RPL13A: variants seen among roughly 807,000 people sequenced by gnomAD.
RPL13A encodes the protein ribosomal protein L13a.
In RPL13A, 4 loss-of-function variants were observed where a neutral mutation model predicts 30.8. The ratio of observed to expected loss-of-function variants is 0.13; its 90% CI spans 0.06 to 0.30. The LOEUF (loss-of-function observed/expected upper bound fraction) is 0.30. RPL13A is among the 10% of genes least tolerant of loss of function. RPL13A has a pLI of 1.00. For synonymous variants in RPL13A, 108 were observed against 104.2 expected (o/e 1.04, Z -0.22); for missense variants, 196 against 272.6 (o/e 0.72, Z 1.98).
In RPL13A at chr19:49,489,931, C is replaced by A; in HGVS notation, c.88+9C>A. The A allele has an allele frequency of 6.2e-7, 1 of 1,610,600 alleles. No individual in the cohort carries two copies. The highest frequency in any genetic ancestry group is 8.5e-7 in the Non-Finnish European group (1 of 1,177,022). On this transcript the variant is annotated intron_variant, in intron 2 of 7. Transcript: ENST00000391857. ...TAAACAGGTACTGCTGGGTAAGTCG[C>A]TGCTCGTGGCCCCTCTGTCATGGGC...
Position 49,487,621 on chromosome 19 carries a change from C to A in RPL13A, c.-9C>A. On this transcript the variant is annotated 5_prime_UTR_variant, in exon 1 of 8. It adds an upstream start codon to the 5' untranslated region. Coordinates refer to ENST00000391857, the MANE Select transcript of RPL13A (RefSeq NM_012423.4). ...CAAAACCTCCTCCTTTTCCAAGCGG[C>A]TGCCGAAGATGGCGGAGGTGCAGGT... is the stretch of plus-strand genomic sequence containing the variant. 1 of 1,576,262 alleles carries A rather than the reference C, an allele frequency of 6.3e-7. No homozygotes were observed. Among genetic ancestry groups the A allele is most frequent in the Non-Finnish European group, 8.6e-7 (1 of 1,161,972 alleles).
intron 2 of RPL13A, 89 bp downstream of exon 2, chr19:49,490,011 G>T (rs373853553): frequency 8.6e-7 from 1 of 1,165,470 alleles, no homozygotes; most frequent in Admixed American, 1.7e-5. Context: ...TGAGTCTCAC[G>T]GCCATGAGAT....
rs548091161 is a variant in RPL13A, at chr19:49,491,066, C to T, written c.369C>T (p.Ala123=). 7 of 1,614,234 alleles carry T rather than the reference C, an allele frequency of 4.3e-6. No homozygotes were observed. The South Asian group carries it at 6.6e-5, about 15-fold the overall frequency. ...AAAAGCGGATGGTGGTTCCTGCTGCCCTCAAGGTCGTGCGTCTGAAGCCTA... is the reference window on the plus strand; with the variant it reads ...AAAAGCGGATGGTGGTTCCTGCTGCTCTCAAGGTCGTGCGTCTGAAGCCTA... ...DKKKRMVVPA[A]LKVVRLKPTR... Residue 123 remains alanine, a synonymous_variant, in exon 6 of 8, where the codon GCC becomes GCT. Coordinates refer to ENST00000391857, the MANE Select transcript of RPL13A (RefSeq NM_012423.4).
At chr19:49,489,371 C>G (rs926779388) in intron 1 of RPL13A, among the ~76,000 whole-genome samples, 1 of 151,878 alleles carries the variant, frequency 6.6e-6, no homozygotes, top group Non-Finnish European at 1.5e-5. Context: ...TGTGGTGGTG[C>G]GCGCCTGTAG....
intron 6 of RPL13A, 92 bp downstream of exon 6, chr19:49,491,191 A>G (rs762410309): frequency 9.8e-6 from 14 of 1,434,524 alleles, no homozygotes; most frequent in Middle Eastern, 3.5e-4. Flanking sequence ...TGATGTCCTT[A>G]TCTCACGATG....
At chr19:49,489,565 T>C (rs2079843517) in intron 1 of RPL13A, among the ~76,000 whole-genome samples, 1 of 152,204 alleles carries the variant, frequency 6.6e-6, no homozygotes, top group Admixed American at 6.5e-5. Context: ...TCAAATCCAA[T>C]TGCTTTGCAA....
At position 49,491,407 on chromosome 19, in the gene RPL13A, C is replaced by A. The variant is rs771767614; in HGVS notation, c.403-18C>A. 6.6e-4 allele frequency: 203 copies of A among 307,136 alleles called. 1 individual carries two copies. The highest frequency in any genetic ancestry group is 2.7e-3 in the African/African-American group (66 of 24,404). 19.0% of individuals were successfully genotyped at this position (307,136 alleles called of 1,614,324 possible). On this transcript the variant is annotated intron_variant, in intron 6 of 7. Transcript: ENST00000391857. ...CCTTACAACTTCATTTGTTCACCCCCCCCCCCCCCCCCCGCAGTTTGCCTA... is the reference window on the plus strand; with the variant it reads ...CCTTACAACTTCATTTGTTCACCCCACCCCCCCCCCCCCGCAGTTTGCCTA...
intron 1 of RPL13A, 29 bp downstream of exon 1, chr19:49,487,673 A>G (rs1376799580): frequency 5.3e-6 from 8 of 1,517,282 alleles, no homozygotes; most frequent in Non-Finnish European, 7.1e-6. Context: ...CCGGGGCGGC[A>G]AGGGGCCGGG....
chr19:49,489,156 G>T (rs370855008), intron 1 of RPL13A, among the ~76,000 whole-genome samples: 2 of 152,178 alleles, frequency 1.3e-5, no homozygotes, highest in South Asian at 2.1e-4. Context: ...AATTAAATTT[G>T]TGGTAGAAAC....
At chr19:49,490,079 C>T (rs781674577) in intron 2 of RPL13A, 153 bp from the exon 3 acceptor site, 1 of 1,032,184 alleles carries the variant, frequency 9.7e-7, no homozygotes, top group East Asian at 2.4e-5. Flanking sequence ...TTGGGGACTC[C>T]AGGCTCAAGA....
In RPL13A at chr19:49,491,886, ACCCAGGGG is replaced by A. The variant is rs1475127472; in HGVS notation, c.*73_*80del. 7 of 1,250,102 alleles carry A rather than the reference ACCCAGGGG, an allele frequency of 5.6e-6. No individual in the cohort carries two copies. The Admixed American group carries it at 1.4e-4, about 25-fold the overall frequency. 77.4% of individuals were successfully genotyped at this position (1,250,102 alleles called of 1,614,324 possible). A position where few individuals can be genotyped will look rare whatever the true frequency, so the allele number is the denominator to read the frequency against. ...CCATTGTTGCCCTGGAATGTACGGG[ACCCAGGGG>A]CAGCAGCAGTCCAGGTGCCACAGGC... On this transcript the variant is annotated 3_prime_UTR_variant, in exon 8 of 8. Coordinates refer to ENST00000391857, the MANE Select transcript of RPL13A (RefSeq NM_012423.4).
rs914226711 is a variant in RPL13A, at chr19:49,492,045, G to T, written c.*230G>T. On this transcript the variant is annotated 3_prime_UTR_variant, in exon 8 of 8. Coordinates refer to ENST00000391857, the MANE Select transcript of RPL13A (RefSeq NM_012423.4). The stretch of plus-strand genomic sequence containing the variant: ...CTATGACCAATAGGAAGAGCAACCA[G>T]TTACTATGAGTGAAAGGGAGCCAGA... 3 of 502,940 alleles carry T rather than the reference G, an allele frequency of 6.0e-6. No homozygotes were observed. Among genetic ancestry groups the T allele is most frequent in the Non-Finnish European group, 1.1e-5 (3 of 277,850 alleles). 31.2% of individuals were successfully genotyped at this position (502,940 alleles called of 1,614,324 possible). A position where few individuals can be genotyped will look rare whatever the true frequency, so the allele number is the denominator to read the frequency against.
chr19:49,487,727 T>C, intron 1 of RPL13A, 83 bp downstream of exon 1: 1 of 1,365,940 alleles, frequency 7.3e-7, no homozygotes. Context: ...CTGTCTTGCA[T>C]GTTTTGCGGA....
In RPL13A at chr19:49,490,267, A is replaced by G. The variant is rs1187171293; in HGVS notation, c.124A>G (p.Asn42Asp). The G allele has an allele frequency of 6.2e-7, 1 of 1,614,216 alleles. No individual in the cohort carries two copies. Among genetic ancestry groups the G allele is most frequent in the African/African-American group, 1.3e-5 (1 of 75,054 alleles). Residue 42 changes from asparagine (N) to aspartate (D), a missense_variant, in exon 3 of 8, where the codon AAC becomes GAC. Asn to Asp is a conservative substitution (Grantham distance 23). Transcript: ENST00000391857. The part of the protein sequence containing the change: ...KVVVVRCEGI[N>D]ISGNFYRNKL... ...GGTGGTCGTACGCTGTGAAGGCATCAACATTTCTGGCAATTTCTACAGAAA... is the reference window on the plus strand; with the variant it reads ...GGTGGTCGTACGCTGTGAAGGCATCGACATTTCTGGCAATTTCTACAGAAA...
chr19:49,491,773 C>A lies in RPL13A; in HGVS notation c.570C>A (p.Asp190Glu). 6.2e-7 allele frequency: 1 copy of A among 1,613,268 alleles called. No individual in the cohort carries two copies. The highest frequency in any genetic ancestry group is 8.5e-7 in the Non-Finnish European group (1 of 1,179,742). The change falls in exon 8 of 8, where the codon GAC (aspartate) becomes GAA (glutamate). Residue 190 changes from aspartate to glutamate, a missense_variant. Transcript: ENST00000391857. ...AGAAGAACGTGGAGAAGAAAATTGA[C>A]AAATACACAGAGGTCCTCAAGACCC... ...QAEKNVEKKI[D>E]KYTEVLKTHG...
In RPL13A at chr19:49,491,527, C is replaced by A. The variant is rs754566357; in HGVS notation, c.505C>A (p.Arg169=). 1 of 1,534,492 alleles carries A rather than the reference C, an allele frequency of 6.5e-7. No homozygotes were observed. The highest frequency in any genetic ancestry group is 1.9e-5 in the Admixed American group (1 of 51,290). The change falls in exon 7 of 8, where the codon CGG becomes AGG. Residue 169 remains arginine, a synonymous_variant. Coordinates refer to ENST00000391857, the MANE Select transcript of RPL13A (RefSeq NM_012423.4). ...GAAAGAGAAAGCCAAGATCCACTAC[C>A]GGAAGAAGAAACAGCTCATGGTGAG... is the stretch of plus-strand genomic sequence containing the variant. The part of the protein sequence containing the change: ...KRKEKAKIHY[R]KKKQLMRLRK...
At chr19:49,488,411 G>A (rs2079830432) in intron 1 of RPL13A, among the ~76,000 whole-genome samples, 1 of 152,196 alleles carries the variant, frequency 6.6e-6, no homozygotes, top group African/African-American at 2.4e-5. Context: ...TTGTTGGGGC[G>A]GGTGACATTT....
At position 49,487,927 on chromosome 19, in the gene RPL13A, G is replaced by C. The variant is rs187649584; in HGVS notation, c.15+283G>C. ...ATTTTGCTTACCTTGAACTCGGGTA[G>C]TGGGTGGGGGCCCTGGGGTAGAGTC... On this transcript the variant is annotated intron_variant, in intron 1 of 7. Transcript: ENST00000391857. Among the ~76,000 whole-genome samples, 37 of 152,282 alleles carry C rather than the reference G, an allele frequency of 2.4e-4. No individual in the cohort carries two copies. In the East Asian group the frequency reaches 7.1e-3, roughly 29 times the overall value.
chr19:49,490,467 C>G lies in RPL13A; in HGVS notation c.155-8C>G. On this transcript the variant is annotated splice_polypyrimidine_tract_variant and splice_region_variant and intron_variant, in intron 3 of 7. Transcript: ENST00000391857. ...CTGGGCAGGCCTCACACTCTCCCCTCTCCCTAGTGAAGTACCTGGCTTTCC... is the reference window on the plus strand; with the variant it reads ...CTGGGCAGGCCTCACACTCTCCCCTGTCCCTAGTGAAGTACCTGGCTTTCC... 1 of 1,613,974 alleles carries G rather than the reference C, an allele frequency of 6.2e-7. No individual in the cohort carries two copies. Among genetic ancestry groups the G allele is most frequent in the Non-Finnish European group, 8.5e-7 (1 of 1,179,846 alleles).
Sources: allele counts gnomAD v4.1 joint callset (sites outside exome capture counted in the v4.1 genomes callset), GRCh38; gene constraint gnomAD v4.1.1; transcripts MANE v1.5; gene names NCBI Gene and HGNC (gene_info 2026-07-23, HGNC 2026-07-21).